The following DLC1 variants were observed in gnomAD, a reference collection of about 807,000 sequenced individuals.
DLC1 encodes the protein DLC1 Rho GTPase activating protein.
DLC1 carries 54 observed loss-of-function variants against 140.3 expected under a neutral mutation model. The ratio of observed to expected loss-of-function variants is 0.38; its 90% CI spans 0.31 to 0.48. The LOEUF is 0.48. Among genes scored for constraint, DLC1 ranks in the 20% least tolerant of loss-of-function variants. The probability of loss-of-function intolerance (pLI) is 0.96; values close to 1 mark genes in which losing one functional copy is unlikely to be tolerated. For missense variants in DLC1, 2,536 were observed against 1,907.0 expected (o/e 1.33, Z -6.14); for synonymous variants, 986 against 728.1 (o/e 1.35, Z -5.70).
intron 2 of DLC1, among the ~76,000 whole-genome samples, chr8:13,439,189 T>A (rs1839251279): frequency 6.6e-6 from 1 of 152,092 alleles, no homozygotes; most frequent in Non-Finnish European, 1.5e-5. Flanking sequence ...TTGGGCGTGG[T>A]GGTGTGCACC....
chr8:13,155,439 C>G (rs1029253956), intron 5 of DLC1, among the ~76,000 whole-genome samples: 1 of 151,602 alleles, frequency 6.6e-6, no homozygotes, highest in Non-Finnish European at 1.5e-5. Flanking sequence ...AATAAATGTT[C>G]TAGTTTATAC....
intron 4 of DLC1, among the ~76,000 whole-genome samples, chr8:13,329,902 G>A (rs1415609612): frequency 6.6e-6 from 1 of 151,986 alleles, no homozygotes; most frequent in Non-Finnish European, 1.5e-5. Flanking sequence ...TTAATACTTA[G>A]GTTTTATTTG....
chr8:13,289,485 C>T (rs998994660), intron 5 of DLC1, among the ~76,000 whole-genome samples: 4 of 152,134 alleles, frequency 2.6e-5, no homozygotes, highest in African/African-American at 9.7e-5. Flanking sequence ...TGTCACCATG[C>T]CCAGCTAATT....
At chr8:13,599,594 C>T (rs189775558) in intron 1 of DLC1, among the ~76,000 whole-genome samples, 121 of 151,954 alleles carry the variant, frequency 8.0e-4, no homozygotes, top group African/African-American at 2.3e-3. Flanking sequence ...AAATAAACTA[C>T]GGAAGTTGAA....
intron 1 of DLC1, among the ~76,000 whole-genome samples, chr8:13,506,788 A>G (rs1802107663): frequency 6.6e-6 from 1 of 151,926 alleles, no homozygotes; most frequent in South Asian, 2.1e-4. Context: ...ACGCAACTTA[A>G]CAGTTTCTAA....
At chr8:13,501,944 C>G (rs1433088915) in intron 1 of DLC1, among the ~76,000 whole-genome samples, 1 of 152,128 alleles carries the variant, frequency 6.6e-6, no homozygotes, top group East Asian at 1.9e-4. Flanking sequence ...ATACTTTTCT[C>G]TCTTTATTTT....
intron 1 of DLC1, chr8:13,567,282 C>T: frequency 6.4e-7 from 1 of 1,551,744 alleles, no homozygotes; most frequent in Non-Finnish European, 8.7e-7. Flanking sequence ...AAGACTCTAA[C>T]TTTGAACGGC....
intron 1 of DLC1, among the ~76,000 whole-genome samples, chr8:13,569,874 G>A (rs988006723): frequency 2.0e-5 from 3 of 152,016 alleles, no homozygotes; most frequent in South Asian, 2.1e-4. Context: ...GGTGCGTGCC[G>A]CCACGCCTGG....
intron 1 of DLC1, among the ~76,000 whole-genome samples, chr8:13,591,410 T>C (rs1248453871): frequency 1.3e-5 from 2 of 152,080 alleles, no homozygotes; most frequent in Non-Finnish European, 2.9e-5. Flanking sequence ...TTTACAAGCA[T>C]CTGGCATTTC....
intron 5 of DLC1, among the ~76,000 whole-genome samples, chr8:13,155,145 TTA>T (rs1449599061): frequency 6.8e-6 from 1 of 147,168 alleles, no homozygotes; most frequent in Admixed American, 6.8e-5. Context: ...TTTTTTTTTT[TTA>T]AAGCGAATGT....
chr8:13,413,198 G>C (rs1282032661), intron 2 of DLC1, among the ~76,000 whole-genome samples: 2 of 144,846 alleles, frequency 1.4e-5, no homozygotes, highest in Non-Finnish European at 3.0e-5. Flanking sequence ...GGACAGCTTT[G>C]AATATGGCCC....
chr8:13,200,924 T>C (rs1311799048), intron 5 of DLC1, among the ~76,000 whole-genome samples: 1 of 152,188 alleles, frequency 6.6e-6, no homozygotes. Context: ...ACGCATATTA[T>C]AGAACCTAGG....
rs370871991 is a variant in DLC1, at chr8:13,086,062, G to C, written c.4467-131C>G. On this transcript the variant is annotated intron_variant, in intron 17 of 17. Coordinates refer to ENST00000276297, the MANE Select transcript of DLC1 (RefSeq NM_182643.3). ...TTCCCATGCCTTTGAATTCATGGCC[G>C]AGCTACCATATTTGCTTTGCTTTAG... 24 of 1,422,464 alleles carry C rather than the reference G, an allele frequency of 1.7e-5. 1 individual carries two copies. Among genetic ancestry groups the C allele is most frequent in the Middle Eastern group, 2.2e-4 (1 of 4,476 alleles). The allele number at this position is 1,422,464 out of a possible 1,614,324, so 88.1% of individuals were successfully genotyped here. A position where few individuals can be genotyped will look rare whatever the true frequency, so the allele number is the denominator to read the frequency against.
At chr8:13,399,127 C>A (rs1402918226) in intron 3 of DLC1, among the ~76,000 whole-genome samples, 7 of 152,062 alleles carry the variant, frequency 4.6e-5, no homozygotes, top group Admixed American at 4.6e-4. Flanking sequence ...GTGAAATATC[C>A]CAAGAGACCG....
chr8:13,223,380 C>A (rs1413086846), intron 5 of DLC1, among the ~76,000 whole-genome samples: 1 of 152,142 alleles, frequency 6.6e-6, no homozygotes, highest in African/African-American at 2.4e-5. Context: ...ATTAAATGCT[C>A]ACTTTAAATA....
At chr8:13,280,693 G>A (rs1831336470) in intron 5 of DLC1, among the ~76,000 whole-genome samples, 1 of 152,054 alleles carries the variant, frequency 6.6e-6, no homozygotes, top group African/African-American at 2.4e-5. Context: ...AATCCACTTT[G>A]GTCTTATGGC....
intron 4 of DLC1, among the ~76,000 whole-genome samples, chr8:13,343,587 T>C (rs960683466): frequency 4.6e-5 from 7 of 152,194 alleles, no homozygotes; most frequent in African/African-American, 1.7e-4. Flanking sequence ...GCAGATATTG[T>C]TGTTATCCCC....
chr8:13,298,065 T>G (rs1359906408), intron 5 of DLC1, among the ~76,000 whole-genome samples: 1 of 152,208 alleles, frequency 6.6e-6, no homozygotes, highest in Non-Finnish European at 1.5e-5. Context: ...TTCATTTCTA[T>G]TTTCTGTCTT....
intron 4 of DLC1, among the ~76,000 whole-genome samples, chr8:13,362,316 A>G (rs571185478): frequency 2.0e-5 from 3 of 152,274 alleles, no homozygotes; most frequent in Admixed American, 6.5e-5. Flanking sequence ...TGGGGACATC[A>G]TAGAGTCTGG....
Sources: allele counts gnomAD v4.1 joint callset (sites outside exome capture counted in the v4.1 genomes callset), GRCh38; gene constraint gnomAD v4.1.1; transcripts MANE v1.5; gene names NCBI Gene and HGNC (gene_info 2026-07-23, HGNC 2026-07-21).